Variants in PTPN21 observed in about 807,000 individuals in gnomAD.
The protein encoded by PTPN21 is tyrosine-protein phosphatase non-receptor type 21.
Under a neutral mutation model 131.8 loss-of-function variants are expected in PTPN21, and 77 were observed. The observed-to-expected ratio is 0.58, with a 90% CI of 0.49 to 0.71. The LOEUF (loss-of-function observed/expected upper bound fraction) is 0.71, where lower values mean the gene tolerates loss of function less well. Ranked by LOEUF, PTPN21 falls within the 30% of genes least tolerant of loss-of-function variation. PTPN21 has a pLI of 0.00. For synonymous variants in PTPN21, 715 were observed against 621.3 expected (o/e 1.15, Z -2.24); for missense variants, 1,552 against 1,527.1 (o/e 1.02, Z -0.27).
At chr14:88,474,014 CAGAT>C in intron 13 of PTPN21, 1 of 445,826 alleles carries the variant, frequency 2.2e-6, no homozygotes, top group Non-Finnish European at 3.9e-6. Flanking sequence ...TAAAGTCTTC[CAGAT>C]AGAAGGTTTT....
chr14:88,517,166 T>C lies in PTPN21; in HGVS notation c.276A>G (p.Ala92=), dbSNP rs377590341. 2.7e-4 allele frequency: 430 copies of C among 1,614,034 alleles called. 2 individuals are homozygous for C. The highest frequency in any genetic ancestry group is 3.5e-4 in the Non-Finnish European group (416 of 1,180,002). ...KPLKKQLDKY[A]LEPTVYFGVV... is the part of the protein sequence containing the mutation. ...CTCCAAAATAGACGGTAGGTTCCAA[T>C]GCATATTTATCCAGCTGCTTCTTCA... Residue 92 remains alanine, a synonymous_variant, in exon 3 of 19, where the codon GCA becomes GCG. Transcript: ENST00000556564.
intron 9 of PTPN21, 117 bp downstream of exon 9, chr14:88,497,086 T>C: frequency 3.3e-6 from 3 of 907,598 alleles, no homozygotes; most frequent in Non-Finnish European, 5.1e-6. Context: ...TTTTATACAA[T>C]TACAAAATAT....
chr14:88,535,460 T>G (rs994839430), intron 2 of PTPN21, among the ~76,000 whole-genome samples: 5 of 152,200 alleles, frequency 3.3e-5, no homozygotes, highest in Non-Finnish European at 7.3e-5. Flanking sequence ...ACTTTACCAC[T>G]TGCCAGCTCT....
intron 8 of PTPN21, among the ~76,000 whole-genome samples, chr14:88,500,274 A>G (rs956176186): frequency 1.3e-5 from 2 of 152,186 alleles, no homozygotes; most frequent in East Asian, 3.8e-4. Flanking sequence ...CACAAAAAAT[A>G]CAAAAATTAG....
At position 88,480,236 on chromosome 14, in the gene PTPN21, T is replaced by C; in HGVS notation, c.1195A>G (p.Ser399Gly). 1 of 1,614,080 alleles carries C rather than the reference T, an allele frequency of 6.2e-7. No homozygotes were observed. The highest frequency in any genetic ancestry group is 1.1e-5 in the South Asian group (1 of 91,078). Reference sequence around the variant, plus strand: ...TGAGGATTATTTAAGGAGTTGGTGCTGTGTGCACTGTAGACACTGCCATTA... The same window carrying C: ...TGAGGATTATTTAAGGAGTTGGTGCCGTGTGCACTGTAGACACTGCCATTA... ...IRNGSVYSAH[S>G]TNSLNNPQPY... The change falls in exon 13 of 19, where the codon AGC (serine) becomes GGC (glycine). Residue 399 changes from serine (S) to glycine (G), a missense_variant. Around this residue, in one of 4 missense-constraint regions of PTPN21, gnomAD observed 1,016 missense variants for 883.5 expected, o/e 1.15. Coordinates refer to ENST00000556564, the MANE Select transcript of PTPN21 (RefSeq NM_007039.4).
Position 88,478,941 on chromosome 14 carries a change from C to T in PTPN21, c.2490G>A (p.Val830=), listed in dbSNP as rs1224909711. ...SDLLSGKKNI[V]EGLPPLGGMK... ...TTACCCCTAGAGGCGGGAGCCCTTC[C>T]ACGATGTTCTTCTTCCCAGAGAGAA... Residue 830 remains valine, a synonymous_variant, in exon 13 of 19, where the codon GTG becomes GTA. Transcript: ENST00000556564. The T allele has an allele frequency of 2.0e-6, 3 of 1,513,400 alleles. No individual in the cohort carries two copies. In the East Asian group the frequency reaches 7.1e-5, roughly 36 times the overall value. 93.7% of individuals were successfully genotyped at this position (1,513,400 alleles called of 1,614,324 possible).
intron 3 of PTPN21, 103 bp downstream of exon 3, chr14:88,516,989 G>T: frequency 7.5e-7 from 1 of 1,331,856 alleles, no homozygotes; most frequent in Non-Finnish European, 1.0e-6. Context: ...AATGTGGGGC[G>T]AGAGGGCAAA....
chr14:88,485,930 A>C, intron 10 of PTPN21, 88 bp from the exon 11 acceptor site: 2 of 803,898 alleles, frequency 2.5e-6, no homozygotes. Context: ...AAAATAATAA[A>C]TCTTCTCAGG....
At chr14:88,483,397 C>T (rs2077682162) in intron 12 of PTPN21, among the ~76,000 whole-genome samples, 1 of 151,922 alleles carries the variant, frequency 6.6e-6, no homozygotes, top group South Asian at 2.1e-4. Context: ...ATTGCAAATA[C>T]CAGACAAGGG....
intron 4 of PTPN21, among the ~76,000 whole-genome samples, chr14:88,506,905 G>A (rs531780703): frequency 1.3e-5 from 2 of 152,182 alleles, no homozygotes; most frequent in East Asian, 3.9e-4. Context: ...AGTTGGGTCT[G>A]TGTGGTGGCA....
intron 15 of PTPN21, 48 bp downstream of exon 15, chr14:88,472,196 T>C (rs2077481743): frequency 3.9e-6 from 4 of 1,031,894 alleles, no homozygotes; most frequent in Non-Finnish European, 6.1e-6. Flanking sequence ...TTCTTGTAAC[T>C]TAACTGAAAC....
intron 8 of PTPN21, 134 bp downstream of exon 8, chr14:88,500,649 T>A (rs2140130120): frequency 1.9e-5 from 12 of 644,568 alleles, no homozygotes; most frequent in East Asian, 1.8e-4. Flanking sequence ...ATTTTTTTCC[T>A]AGGAAGGGAA....
intron 2 of PTPN21, among the ~76,000 whole-genome samples, chr14:88,547,988 G>A (rs769429917): frequency 1.5e-4 from 23 of 151,996 alleles, no homozygotes; most frequent in Non-Finnish European, 1.5e-4. Context: ...CTCACCACAC[G>A]CTCCTCCTTG....
chr14:88,492,046 CAAAA>C (rs986124437), intron 10 of PTPN21, among the ~76,000 whole-genome samples: 5 of 149,022 alleles, frequency 3.4e-5, no homozygotes, highest in African/African-American at 1.2e-4. Flanking sequence ...AAACACAAAA[CAAAA>C]CAAACAAACA....
intron 12 of PTPN21, among the ~76,000 whole-genome samples, chr14:88,484,038 T>C (rs2077693355): frequency 2.1e-5 from 3 of 144,244 alleles, no homozygotes; most frequent in South Asian, 2.3e-4. Context: ...AACTATTAGA[T>C]TCTAAGGTGT....
rs2077441375 is a variant in PTPN21 at position 88,470,332 on chromosome 14, A to G, written c.2872-282T>C. The G allele has an allele frequency of 1.7e-5, 7 of 401,606 alleles. No homozygotes were observed. In the South Asian group the frequency reaches 2.0e-4, roughly 11 times the overall value. The allele number at this position is 401,606 out of a possible 1,614,324, so 24.9% of individuals were successfully genotyped here. ...AATGTCAGTTCTCATTTATACAATA[A>G]AGATACTGCCTACCGTCATAGGGTC... On this transcript the variant is annotated intron_variant, in intron 15 of 18. Transcript: ENST00000556564.
At chr14:88,474,445 G>C (rs762885178) in intron 13 of PTPN21, among the ~76,000 whole-genome samples, 30 of 152,134 alleles carry the variant, frequency 2.0e-4, no homozygotes, top group Non-Finnish European at 3.4e-4. Context: ...GCCTCCCAAA[G>C]TGCTTGAGAT....
rs113041150 is a variant in PTPN21 at position 88,474,757 on chromosome 14, A to C, written c.2512-955T>G. Among the ~76,000 whole-genome samples, 204 of 152,298 alleles carry C rather than the reference A, an allele frequency of 1.3e-3. 1 individual carries two copies. Among genetic ancestry groups the C allele is most frequent in the Non-Finnish European group, 2.6e-3 (176 of 68,030 alleles). On this transcript the variant is annotated intron_variant, in intron 13 of 18. Transcript: ENST00000556564. ...AACAAAATCTTGTCTCCTGAAATCA[A>C]GTGTTTCCTAAAATTATTATTAGAG...
chr14:88,482,966 A>C (rs1027195087), intron 12 of PTPN21, among the ~76,000 whole-genome samples: 2 of 151,974 alleles, frequency 1.3e-5, no homozygotes, highest in Non-Finnish European at 2.9e-5. Context: ...TGTAATCCCC[A>C]CTTTGGAAGG....
Sources: gnomAD v4.1 joint callset for allele counts (sites outside exome capture counted in the v4.1 genomes callset) on GRCh38, gnomAD v4.1.1 for gene constraint, gnomAD v4.1.1 regional missense constraint, MANE v1.5 for transcripts, NCBI Gene and HGNC (gene_info 2026-07-23, HGNC 2026-07-21) for gene names.